The following PTPRN2 variants were observed in gnomAD, a reference collection of about 807,000 sequenced individuals.
PTPRN2 encodes receptor-type tyrosine-protein phosphatase N2.
Under a neutral mutation model 118.8 loss-of-function variants are expected in PTPRN2, and 74 were observed. The observed-to-expected ratio is 0.62, with a 90% CI of 0.52 to 0.76. PTPRN2 has a LOEUF of 0.76. PTPRN2 is among the 30% of genes least tolerant of loss of function. PTPRN2 has a pLI of 0.00. For synonymous variants in PTPRN2, 641 were observed against 608.0 expected (o/e 1.05, Z -0.80); for missense variants, 1,481 against 1,394.4 (o/e 1.06, Z -0.99).
At chr7:157,822,322 C>T (rs111074733) in intron 12 of PTPRN2, among the ~76,000 whole-genome samples, 5,086 of 151,712 alleles carry the variant, frequency 0.034, 292 homozygotes, top group African/African-American at 0.11. Context: ...ATGAGCCATC[C>T]TCCCACTCAT....
At chr7:157,542,345 G>A (rs1415292160) in intron 22 of PTPRN2, among the ~76,000 whole-genome samples, 4 of 152,146 alleles carry the variant, frequency 2.6e-5, no homozygotes, top group African/African-American at 7.2e-5. Context: ...AAAATTAAGC[G>A]TGGCTTTTTG....
chr7:158,120,736 C>T (rs1485970695), intron 9 of PTPRN2, among the ~76,000 whole-genome samples: 1 of 152,222 alleles, frequency 6.6e-6, no homozygotes, highest in Non-Finnish European at 1.5e-5. Context: ...AGGTCAGCTC[C>T]TGTCCCAAAA....
At chr7:158,407,798 C>T (rs545871803) in intron 2 of PTPRN2, among the ~76,000 whole-genome samples, 40 of 152,220 alleles carry the variant, frequency 2.6e-4, no homozygotes, top group Non-Finnish European at 2.2e-4. Flanking sequence ...GTCCTTGCCA[C>T]GAAGCCGATG....
At chr7:158,137,623 T>C (rs1001507547) in intron 7 of PTPRN2, among the ~76,000 whole-genome samples, 2 of 152,002 alleles carry the variant, frequency 1.3e-5, no homozygotes, top group Non-Finnish European at 2.9e-5. Context: ...GCAGTTCCAC[T>C]ACTCCCCTGC....
chr7:158,416,625 T>C (rs184795752), intron 2 of PTPRN2, among the ~76,000 whole-genome samples: 2 of 152,188 alleles, frequency 1.3e-5, no homozygotes, highest in Admixed American at 1.3e-4. Flanking sequence ...AAGATATAAG[T>C]GCACCAGAGA....
At position 158,015,406 on chromosome 7, in the gene PTPRN2, A is replaced by G. The variant is rs1585205360; in HGVS notation, c.1723+65892T>C. 6.6e-6 allele frequency among the ~76,000 whole-genome samples: 1 copy of G among 151,696 alleles called. No individual in the cohort carries two copies. Among genetic ancestry groups the G allele is most frequent in the South Asian group, 2.1e-4 (1 of 4,774 alleles). ...GGTCTTTTTAGTTAATGTGTGACAA[A>G]TAGAGAAGAGATGGGGAGAGAGAGG... On this transcript the variant is annotated intron_variant, in intron 11 of 22. Coordinates refer to ENST00000389418, the MANE Select transcript of PTPRN2 (RefSeq NM_002847.5). This position sits in a 1 kb window ranked among gnomAD's most constrained non-coding sequence, Gnocchi z 4.2.
At chr7:157,616,998 C>G (rs1802814797) in intron 15 of PTPRN2, 1 of 152,268 alleles carries the variant, frequency 6.6e-6, no homozygotes, top group African/African-American at 2.4e-5. Flanking sequence ...CATGGATTTT[C>G]CCAACACACA....
At chr7:158,058,760 T>G (rs1218408411) in intron 11 of PTPRN2, among the ~76,000 whole-genome samples, 1 of 104,904 alleles carries the variant, frequency 9.5e-6, no homozygotes, top group African/African-American at 4.7e-5. Flanking sequence ...ACACTCCATC[T>G]GCCCACGGTG....
intron 12 of PTPRN2, among the ~76,000 whole-genome samples, chr7:157,830,601 A>G (rs1250842721): frequency 6.6e-6 from 1 of 152,214 alleles, no homozygotes; most frequent in African/African-American, 2.4e-5. Flanking sequence ...GGAGGCACAC[A>G]CATCACCACA....
chr7:158,491,374 G>T (rs1001031058), intron 1 of PTPRN2, among the ~76,000 whole-genome samples: 1 of 152,226 alleles, frequency 6.6e-6, no homozygotes, highest in Non-Finnish European at 1.5e-5. Context: ...TCGCCTGCCA[G>T]CAGTCACAGG....
At chr7:158,340,859 G>C (rs578018833) in intron 2 of PTPRN2, among the ~76,000 whole-genome samples, 991 of 86,824 alleles carry the variant, frequency 0.011, 6 homozygotes, top group African/African-American at 0.042. Flanking sequence ...GACACATGCA[G>C]ACGTCACTCA....
chr7:158,132,241 A>G (rs936851654), intron 9 of PTPRN2, among the ~76,000 whole-genome samples: 2 of 150,002 alleles, frequency 1.3e-5, no homozygotes, highest in African/African-American at 4.9e-5. Flanking sequence ...TCATACGGAT[A>G]ACACATCTAC....
intron 1 of PTPRN2, among the ~76,000 whole-genome samples, chr7:158,540,652 T>G (rs1825932743): frequency 6.6e-6 from 1 of 152,186 alleles, no homozygotes; most frequent in African/African-American, 2.4e-5. Context: ...CAAGGGACCC[T>G]GGGGCTTCGG....
chr7:157,720,384 A>C (rs561916619), intron 12 of PTPRN2, among the ~76,000 whole-genome samples: 1 of 151,864 alleles, frequency 6.6e-6, no homozygotes, highest in African/African-American at 2.4e-5. Context: ...CCACCTTGTC[A>C]CTCTGGCTTC....
chr7:158,557,445 A>G (rs944309525), intron 1 of PTPRN2, among the ~76,000 whole-genome samples: 4 of 152,224 alleles, frequency 2.6e-5, no homozygotes, highest in Admixed American at 6.5e-5. Flanking sequence ...TTCTGCCATC[A>G]TGGGCTCTGA....
intron 12 of PTPRN2, among the ~76,000 whole-genome samples, chr7:157,799,795 G>A (rs79451419): frequency 0.11 from 12,710 of 120,384 alleles, 848 homozygotes; most frequent in Middle Eastern, 0.16. Context: ...CACCACAATC[G>A]GCCTACCCCG....
chr7:157,895,591 A>G (rs1161155626), intron 12 of PTPRN2, among the ~76,000 whole-genome samples: 2 of 152,216 alleles, frequency 1.3e-5, no homozygotes, highest in Non-Finnish European at 2.9e-5. Context: ...CCAAGAGAAA[A>G]GTACCCAGCA....
rs1469948320 is a variant in PTPRN2, at chr7:158,331,508, C to A, written c.164-14576G>T. On this transcript the variant is annotated intron_variant, in intron 2 of 22. Coordinates refer to ENST00000389418, the MANE Select transcript of PTPRN2 (RefSeq NM_002847.5). ...ACACTCTCACCATACGAGCTGTCAC[C>A]CACAGACATCACTCACACCCACACT... 5.5e-5 allele frequency among the ~76,000 whole-genome samples: 8 copies of A among 144,858 alleles called. No homozygotes were observed. In the East Asian group the frequency reaches 1.1e-3, roughly 19 times the overall value.
At chr7:158,545,188 G>T (rs1274021285) in intron 1 of PTPRN2, among the ~76,000 whole-genome samples, 1 of 152,178 alleles carries the variant, frequency 6.6e-6, no homozygotes, top group Non-Finnish European at 1.5e-5. Flanking sequence ...GGAACTAGAA[G>T]ATATAAAACC....
Sources: allele counts gnomAD v4.1 joint callset (sites outside exome capture counted in the v4.1 genomes callset), GRCh38; gene constraint gnomAD v4.1.1; non-coding constraint Gnocchi (gnomAD v3.1); transcripts MANE v1.5; gene names NCBI Gene and HGNC (gene_info 2026-07-23, HGNC 2026-07-21).